DCDC2C: variants seen among roughly 807,000 people sequenced by gnomAD.
DCDC2C encodes doublecortin domain-containing protein 2C.
In DCDC2C, 44 loss-of-function variants were observed where a neutral mutation model predicts 45.0. The ratio of observed to expected loss-of-function variants is 0.98; its 90% CI spans 0.77 to 1.26. The LOEUF is 1.26. DCDC2C is among the 50% of genes most tolerant of loss of function. The pLI, the probability that DCDC2C is intolerant of heterozygous loss-of-function variation, is 0.00. For missense variants in DCDC2C, 447 were observed against 468.9 expected, an observed-to-expected ratio of 0.95 and a Z score of 0.43; for synonymous variants, 187 against 178.8, an observed-to-expected ratio of 1.05 and a Z score of -0.37.
chr2:3,805,290 G>A, intron 10 of DCDC2C, among the ~76,000 whole-genome samples: 1 of 152,362 alleles, frequency 6.6e-6, no homozygotes, highest in Middle Eastern at 3.4e-3. Flanking sequence ...GGCACTCGGG[G>A]AAACCTGCCA....
At chr2:3,782,271 G>A (rs891018419) in intron 9 of DCDC2C, among the ~76,000 whole-genome samples, 1 of 152,158 alleles carries the variant, frequency 6.6e-6, no homozygotes, top group Non-Finnish European at 1.5e-5. Context: ...TTATAATTAT[G>A]TATGTCAATA....
At chr2:3,744,127 C>T (rs1334800497) in intron 4 of DCDC2C, among the ~76,000 whole-genome samples, 1 of 152,092 alleles carries the variant, frequency 6.6e-6, no homozygotes, top group African/African-American at 2.4e-5. Context: ...CTGGACTGCA[C>T]GCTGAAGATT....
intron 10 of DCDC2C, among the ~76,000 whole-genome samples, chr2:3,837,555 G>T (rs1433579475): frequency 1.3e-5 from 2 of 152,112 alleles, no homozygotes; most frequent in Non-Finnish European, 2.9e-5. Flanking sequence ...GTGAAGGCTG[G>T]GTTCTTTTTG....
chr2:3,800,471 A>G (rs752216976), intron 10 of DCDC2C, among the ~76,000 whole-genome samples: 4 of 152,236 alleles, frequency 2.6e-5, no homozygotes, highest in Non-Finnish European at 4.4e-5. Flanking sequence ...TATAGACATA[A>G]TAGCCTCATT....
intron 8 of DCDC2C, among the ~76,000 whole-genome samples, chr2:3,775,236 C>G (rs13027884): frequency 4.1e-4 from 26 of 64,078 alleles, no homozygotes; most frequent in South Asian, 6.8e-4. Context: ...AGCTGTGGCT[C>G]TGAGCTAGGC....
At chr2:3,788,806 C>G (rs1482648395) in intron 10 of DCDC2C, among the ~76,000 whole-genome samples, 1 of 144,618 alleles carries the variant, frequency 6.9e-6, no homozygotes, top group Admixed American at 6.9e-5. Context: ...TCCTTCCCTC[C>G]CTTCCTCCCT....
At chr2:3,742,480 T>C (rs576954419) in intron 4 of DCDC2C, among the ~76,000 whole-genome samples, 43 of 152,018 alleles carry the variant, frequency 2.8e-4, no homozygotes, top group African/African-American at 1.0e-3. Flanking sequence ...CAGAAGAGCA[T>C]GTGGGAGGGA....
In DCDC2C at chr2:3,735,810, G is replaced by A. The variant is rs199905988; in HGVS notation, c.417-6110G>A. Among the ~76,000 whole-genome samples, 228 of 146,374 alleles carry A rather than the reference G, an allele frequency of 1.6e-3. 1 individual carries two copies. The highest frequency in any genetic ancestry group is 0.012 in the East Asian group (58 of 4,828). On this transcript the variant is annotated intron_variant, in intron 3 of 10. Coordinates refer to ENST00000399143, the MANE Select transcript of DCDC2C (RefSeq NM_001287444.2). Reference sequence around the variant, plus strand: ...TAGGCACCAAGGAAAGCCTGGGTTTGACCATTTTTTTTTTTTTATAGATCT... The same window carrying A: ...TAGGCACCAAGGAAAGCCTGGGTTTAACCATTTTTTTTTTTTTATAGATCT...
intron 9 of DCDC2C, among the ~76,000 whole-genome samples, chr2:3,782,049 G>A (rs903603421): frequency 6.6e-6 from 1 of 152,106 alleles, no homozygotes; most frequent in East Asian, 1.9e-4. Flanking sequence ...GCACAGTCAC[G>A]GCTATGGTCT....
chr2:3,757,605 G>T (rs357966), intron 6 of DCDC2C, among the ~76,000 whole-genome samples: 1 of 152,176 alleles, frequency 6.6e-6, no homozygotes, highest in African/African-American at 2.4e-5. Flanking sequence ...CGTCCATGAG[G>T]CCGTGGTGAG....
intron 3 of DCDC2C, among the ~76,000 whole-genome samples, chr2:3,741,583 A>C (rs1368847731): frequency 6.6e-6 from 1 of 152,116 alleles, no homozygotes; most frequent in Non-Finnish European, 1.5e-5. Context: ...TGTGAGGGGG[A>C]CAAGAGAACT....
chr2:3,824,258 A>T (rs957486332), intron 10 of DCDC2C, among the ~76,000 whole-genome samples: 1 of 143,544 alleles, frequency 7.0e-6, no homozygotes, highest in African/African-American at 2.8e-5. Context: ...GCTTGATATC[A>T]TATGTAGCAG....
rs945260015 is a variant in DCDC2C, at chr2:3,754,639, G to C, written c.726+5G>C. 7.1e-6 allele frequency: 11 copies of C among 1,548,456 alleles called. No homozygotes were observed. The African/African-American group carries it at 1.2e-4, about 17-fold the overall frequency. ...AACTCACAGAGAAAGAAAAAAGTAA[G>C]TAACTTTTTAAAACAAGTAAGTAAC... On this transcript the variant is annotated splice_donor_5th_base_variant and intron_variant, in intron 6 of 10. Coordinates refer to ENST00000399143, the MANE Select transcript of DCDC2C (RefSeq NM_001287444.2).
At chr2:3,796,828 C>G (rs1442667144) in intron 10 of DCDC2C, among the ~76,000 whole-genome samples, 1 of 150,950 alleles carries the variant, frequency 6.6e-6, no homozygotes, top group Non-Finnish European at 1.5e-5. Flanking sequence ...GTCTAAAATT[C>G]TCTTTTTTGG....
At chr2:3,789,446 C>A (rs1670748788) in intron 10 of DCDC2C, among the ~76,000 whole-genome samples, 1 of 152,148 alleles carries the variant, frequency 6.6e-6, no homozygotes, top group South Asian at 2.1e-4. Context: ...TTTTCTAATG[C>A]CATGCCTCTA....
intron 2 of DCDC2C, among the ~76,000 whole-genome samples, chr2:3,716,221 G>A (rs1347579500): frequency 6.6e-6 from 1 of 152,180 alleles, no homozygotes. Context: ...GCAGAACAAA[G>A]GGAGTTCCGA....
chr2:3,801,199 C>T (rs544608091), intron 10 of DCDC2C, among the ~76,000 whole-genome samples: 2 of 152,342 alleles, frequency 1.3e-5, no homozygotes, highest in South Asian at 2.1e-4. Context: ...GGAGGAGTTC[C>T]TCAAGCTCTT....
In DCDC2C at chr2:3,847,556, G is replaced by T; in HGVS notation, c.*373G>T. 5.9e-6 allele frequency: 1 copy of T among 169,512 alleles called. No individual in the cohort carries two copies. The allele number at this position is 169,512 out of a possible 1,614,324, so 10.5% of individuals were successfully genotyped here. ...CTCATTTATATGTAACTTGGAGGTT[G>T]TCACAAAAGCAGGTACTGATAACCT... On this transcript the variant is annotated 3_prime_UTR_variant, in exon 11 of 11. Transcript: ENST00000399143.
At position 3,734,589 on chromosome 2, in the gene DCDC2C, T is replaced by C. The variant is rs1668966644; in HGVS notation, c.417-7331T>C. Among the ~76,000 whole-genome samples the C allele has an allele frequency of 6.6e-6, 1 of 152,008 alleles. No homozygotes were observed. Among genetic ancestry groups the C allele is most frequent in the Non-Finnish European group, 1.5e-5 (1 of 67,980 alleles). Reference sequence around the variant, plus strand: ...GAAATGCTGTGTTCTCATTAAGCAGTGGGGTCTGTAGGGTCTGAACGGGAT... The same window carrying C: ...GAAATGCTGTGTTCTCATTAAGCAGCGGGGTCTGTAGGGTCTGAACGGGAT... On this transcript the variant is annotated intron_variant, in intron 3 of 10. Coordinates refer to ENST00000399143, the MANE Select transcript of DCDC2C (RefSeq NM_001287444.2). The surrounding 1 kb of genome is among the most constrained non-coding windows in gnomAD (Gnocchi z 4.2).
Sources: gnomAD v4.1 joint callset for allele counts (sites outside exome capture counted in the v4.1 genomes callset) on GRCh38, gnomAD v4.1.1 for gene constraint, Gnocchi (gnomAD v3.1) non-coding constraint, MANE v1.5 for transcripts, NCBI Gene and HGNC (gene_info 2026-07-23, HGNC 2026-07-21) for gene names.